The following ESRRG variants were observed in gnomAD, a reference collection of about 807,000 sequenced individuals.
ESRRG encodes estrogen related receptor gamma.
In ESRRG, 13 loss-of-function variants were observed where a neutral mutation model predicts 44.0. The ratio of observed to expected loss-of-function variants is 0.30; its 90% CI spans 0.19 to 0.47. ESRRG has a LOEUF of 0.47. ESRRG is among the 20% of genes least tolerant of loss of function. The pLI is 1.00. For synonymous variants in ESRRG, 215 were observed against 214.6 expected (o/e 1.00, Z -0.02); for missense variants, 395 against 580.6 (o/e 0.68, Z 3.29).
chr1:216,656,095 C>A (rs73089992), intron 2 of ESRRG, among the ~76,000 whole-genome samples: 3 of 152,250 alleles, frequency 2.0e-5, no homozygotes, highest in African/African-American at 7.2e-5. Flanking sequence ...GAAAATATTT[C>A]CAATAGCAAC....
intron 2 of ESRRG, among the ~76,000 whole-genome samples, chr1:216,660,819 A>G (rs1181330059): frequency 6.6e-6 from 1 of 152,130 alleles, no homozygotes; most frequent in Non-Finnish European, 1.5e-5. Context: ...CTCAAAAAGA[A>G]ATCCCTTAAC....
chr1:217,015,294 T>C (rs549631496), intron 1 of ESRRG, among the ~76,000 whole-genome samples: 2 of 152,332 alleles, frequency 1.3e-5, no homozygotes, highest in African/African-American at 4.8e-5. Flanking sequence ...TACATGAATG[T>C]CCAATTTTGC....
rs1441005510 is a variant in ESRRG at position 217,099,144 on chromosome 1, C to T, written c.-230+38523G>A. On this transcript the variant is annotated intron_variant, in intron 1 of 8. Transcript: ENST00000366940. ...GATATTTCCAGAACAGAGAAAAGTG[C>T]CTGGCACAGAGTAGGTGTTCAATAA... 5.3e-5 allele frequency among the ~76,000 whole-genome samples: 8 copies of T among 152,156 alleles called. No individual in the cohort carries two copies. The East Asian group carries it at 1.5e-3, about 29-fold the overall frequency.
intron 2 of ESRRG, among the ~76,000 whole-genome samples, chr1:216,777,225 G>T (rs1487328071): frequency 6.6e-6 from 1 of 152,004 alleles, no homozygotes; most frequent in Non-Finnish European, 1.5e-5. Context: ...AAATTTAAAA[G>T]CACTACAGAT....
intron 2 of ESRRG, among the ~76,000 whole-genome samples, chr1:216,776,284 A>G (rs1026193491): frequency 3.3e-5 from 5 of 152,056 alleles, no homozygotes; most frequent in African/African-American, 1.2e-4. Flanking sequence ...TCCTTTGCAC[A>G]TACGGCAACC....
chr1:216,922,418 C>A (rs1256250458), intron 2 of ESRRG, among the ~76,000 whole-genome samples: 3 of 152,094 alleles, frequency 2.0e-5, no homozygotes, highest in Non-Finnish European at 4.4e-5. Context: ...AAAACCAAGA[C>A]TGAGACTTTC....
rs1560083791 is a variant in ESRRG at position 216,912,194 on chromosome 1, AGGAGAGGAGAGGAGAGG to A, written c.-14+27371_-14+27387del. On this transcript the variant is annotated intron_variant, in intron 2 of 7. Coordinates refer to the ESRRG transcript ENST00000359162. ...AGAAAAGAAAAGAAAAGGAGAGGAGAGGAGAGGAGAGGAGAGGAGAGGAGAGGAGAGGAGAGGAGAGG... is the reference window on the plus strand; with the variant it reads ...AGAAAAGAAAAGAAAAGGAGAGGAGAAGAGGAGAGGAGAGGAGAGGAGAGG... Among the ~76,000 whole-genome samples, 57 of 10,542 alleles carry A rather than the reference AGGAGAGGAGAGGAGAGG, an allele frequency of 5.4e-3. 8 individuals carry two copies. Among genetic ancestry groups the A allele is most frequent in the East Asian group, 0.022 (8 of 364 alleles). The allele number at this position is 10,542 out of a possible 152,430, so 6.9% of individuals were successfully genotyped here.
Position 216,830,840 on chromosome 1 carries a change from G to A in ESRRG, c.-14+108742C>T, listed in dbSNP as rs75619442. Reference sequence around the variant, plus strand: ...GGATAATGTTAGAAGGAAAAAAAAAGGGATGCTTTTATGAGGCTATAAATA... The same window carrying A: ...GGATAATGTTAGAAGGAAAAAAAAAAGGATGCTTTTATGAGGCTATAAATA... On this transcript the variant is annotated intron_variant, in intron 2 of 7. Coordinates refer to the ESRRG transcript ENST00000359162. Among the ~76,000 whole-genome samples, 641 of 152,160 alleles carry A rather than the reference G, an allele frequency of 4.2e-3. 3 individuals carry two copies. Among genetic ancestry groups the A allele is most frequent in the African/African-American group, 0.015 (619 of 41,490 alleles).
intron 1 of ESRRG, among the ~76,000 whole-genome samples, chr1:216,989,332 G>C (rs1311379259): frequency 6.7e-6 from 1 of 149,008 alleles, no homozygotes. Context: ...CGTACCTGTA[G>C]TCCCAGCTAC....
At chr1:216,800,780 C>T (rs1190826293) in intron 2 of ESRRG, among the ~76,000 whole-genome samples, 2 of 152,102 alleles carry the variant, frequency 1.3e-5, no homozygotes, top group Non-Finnish European at 2.9e-5. Context: ...CATGAGTTCT[C>T]TGTTATCTTG....
chr1:216,842,371 G>C (rs1045437504), intron 2 of ESRRG, among the ~76,000 whole-genome samples: 5 of 152,116 alleles, frequency 3.3e-5, no homozygotes, highest in African/African-American at 9.7e-5. Flanking sequence ...CTGTGCTTGC[G>C]TGGCACTCAC....
chr1:217,037,605 T>C (rs1057467995), intron 1 of ESRRG, among the ~76,000 whole-genome samples: 2 of 152,006 alleles, frequency 1.3e-5, no homozygotes, highest in African/African-American at 4.8e-5. Flanking sequence ...GTCACATTAT[T>C]CCACCCCAGC....
chr1:216,986,112 C>T (rs1190033673), intron 1 of ESRRG, among the ~76,000 whole-genome samples: 1 of 152,044 alleles, frequency 6.6e-6, no homozygotes, highest in Non-Finnish European at 1.5e-5. Flanking sequence ...CACAGTTGAT[C>T]TCTGGCTTTC....
intron 2 of ESRRG, among the ~76,000 whole-genome samples, chr1:216,747,679 G>A (rs1028047226): frequency 2.0e-5 from 3 of 152,150 alleles, no homozygotes; most frequent in African/African-American, 7.2e-5. Flanking sequence ...TCTGCTGTGA[G>A]CAATTTGTGG....
At chr1:216,919,825 A>G (rs1471624742) in intron 2 of ESRRG, among the ~76,000 whole-genome samples, 1 of 152,198 alleles carries the variant, frequency 6.6e-6, no homozygotes, top group Non-Finnish European at 1.5e-5. Flanking sequence ...GAACAAGATA[A>G]TTACTTCCTC....
chr1:216,865,295 T>C (rs2096134930), intron 2 of ESRRG: 1 of 151,152 alleles, frequency 6.6e-6, no homozygotes, highest in East Asian at 2.0e-4. Context: ...GAACTTCCTT[T>C]GGAAGGGAAG....
At chr1:216,876,732 G>T (rs979897537) in intron 2 of ESRRG, among the ~76,000 whole-genome samples, 2 of 152,108 alleles carry the variant, frequency 1.3e-5, no homozygotes, top group Admixed American at 1.3e-4. Flanking sequence ...GTTCAGTCAT[G>T]AGATAACTGA....
At chr1:216,880,027 G>T (rs978005034) in intron 2 of ESRRG, among the ~76,000 whole-genome samples, 1 of 151,768 alleles carries the variant, frequency 6.6e-6, no homozygotes, top group Non-Finnish European at 1.5e-5. Flanking sequence ...GATAAACTAG[G>T]CTGGGCATGG....
intron 3 of ESRRG, among the ~76,000 whole-genome samples, chr1:216,627,818 AT>A (rs34725285): frequency 0.61 from 92,933 of 151,352 alleles, 28,527 homozygotes; most frequent in African/African-American, 0.63. Flanking sequence ...TAAGAAGTTT[AT>A]TTTTTTTTTC....
Sources: allele counts gnomAD v4.1 joint callset (sites outside exome capture counted in the v4.1 genomes callset), GRCh38; gene constraint gnomAD v4.1.1; transcripts MANE v1.5; gene names NCBI Gene and HGNC (gene_info 2026-07-23, HGNC 2026-07-21).